B4GALNT1: variants seen among roughly 807,000 people sequenced by gnomAD.
The protein encoded by B4GALNT1 is beta-1,4 N-acetylgalactosaminyltransferase 1.
In B4GALNT1, 43 loss-of-function variants were observed where a neutral mutation model predicts 55.2. The ratio of observed to expected loss-of-function variants is 0.78; its 90% confidence interval spans 0.61 to 1.00. The LOEUF is 1.00. B4GALNT1 is among the 50% of genes least tolerant of loss of function. The pLI is 0.00. For missense variants in B4GALNT1, 664 were observed against 729.7 expected (o/e 0.91, Z 1.04); for synonymous variants, 305 against 311.6 (o/e 0.98, Z 0.22).
chr12:57,629,785 C>A, intron 6 of B4GALNT1: 1 of 1,437,674 alleles, frequency 7.0e-7, no homozygotes, highest in South Asian at 1.5e-5. Flanking sequence ...GGCTTTTAGG[C>A]CTCTTTTGCT....
At chr12:57,629,784 G>C in intron 6 of B4GALNT1, 1 of 1,437,752 alleles carries the variant, frequency 7.0e-7, no homozygotes, top group Non-Finnish European at 9.1e-7. Flanking sequence ...GGGCTTTTAG[G>C]CCTCTTTTGC....
chr12:57,628,326 T>G, intron 8 of B4GALNT1, 64 bp from the exon 9 acceptor site: 1 of 1,602,254 alleles, frequency 6.2e-7, no homozygotes, highest in East Asian at 2.2e-5. Flanking sequence ...CTGCCACCTT[T>G]CTTTCTCTCC....
chr12:57,625,135 C>T lies in B4GALNT1; in HGVS notation c.*1609G>A. On this transcript the variant is annotated 3_prime_UTR_variant, in exon 11 of 11. Transcript: ENST00000341156. ...TCTTTACTTATAGGAGACTTCAAAG[C>T]CAGATGGCCCAATGGTTGCAGGTGA... 5.6e-6 allele frequency: 9 copies of T among 1,613,976 alleles called. No homozygotes were observed. The highest frequency in any genetic ancestry group is 7.6e-6 in the Non-Finnish European group (9 of 1,179,980).
At chr12:57,632,525 T>C in intron 1 of B4GALNT1, 1 of 324,424 alleles carries the variant, frequency 3.1e-6, no homozygotes, top group Non-Finnish European at 5.9e-6. Context: ...CCCCGACTCC[T>C]CAGTCTGAGC....
intron 2 of B4GALNT1, among the ~76,000 whole-genome samples, chr12:57,631,705 G>A (rs764061527): frequency 9.2e-5 from 14 of 152,018 alleles, no homozygotes; most frequent in Non-Finnish European, 1.5e-4. Flanking sequence ...AACCTCCCAC[G>A]CCCATCCCCA....
At chr12:57,631,784 T>C (rs1885227411) in intron 2 of B4GALNT1, 131 bp downstream of exon 2, 2 of 989,530 alleles carry the variant, frequency 2.0e-6, no homozygotes, top group Non-Finnish European at 2.7e-6. Context: ...AGCCTCCCAC[T>C]TCCACCTCCC....
Position 57,630,150 on chromosome 12 carries a change from A to C in B4GALNT1, c.712+2T>G. ...GCCCGTCTCTCCACCCAGGCCTTGC[A>C]CCTGTGTCTGCTGTGTTGGTCTGGT... On this transcript the variant is annotated splice_donor_variant, in intron 6 of 10. Coordinates refer to ENST00000341156, the MANE Select transcript of B4GALNT1 (RefSeq NM_001478.5). LOFTEE classifies it high-confidence loss of function. 1 of 1,614,122 alleles carries C rather than the reference A, an allele frequency of 6.2e-7. No individual in the cohort carries two copies. The highest frequency in any genetic ancestry group is 8.5e-7 in the Non-Finnish European group (1 of 1,180,028).
At position 57,626,378 on chromosome 12, in the gene B4GALNT1, C is replaced by T. The variant is rs147909837; in HGVS notation, c.*366G>A. 565 of 302,462 alleles carry T rather than the reference C, an allele frequency of 1.9e-3. 2 individuals carry two copies. The highest frequency in any genetic ancestry group is 0.011 in the African/African-American group (521 of 46,362). 18.7% of individuals were successfully genotyped at this position (302,462 alleles called of 1,614,324 possible). On this transcript the variant is annotated 3_prime_UTR_variant, in exon 11 of 11. Transcript: ENST00000341156. ...CTTGGGATTATGTGTTGGGGAACTT[C>T]CCCACCCCCTCGGTCCCAAGATGAG...
rs1249505658 is a variant in B4GALNT1, at chr12:57,627,718, G to A, written c.1284C>T (p.Gly428=). The change falls in exon 10 of 11, where the codon GGC becomes GGT. Residue 428 remains glycine, a synonymous_variant. Transcript: ENST00000341156. ...TAACCACGCCGTCGGTGACCACGCA[G>A]CCTGGGAAGCCGACGAGCTCGTGGT... ...GFHHELVGFP[G]CVVTDGVVNF... 1 of 1,611,996 alleles carries A rather than the reference G, an allele frequency of 6.2e-7. No homozygotes were observed. The highest frequency in any genetic ancestry group is 1.1e-5 in the South Asian group (1 of 90,850).
In B4GALNT1 at chr12:57,628,772, C is replaced by T. The variant is rs776406022; in HGVS notation, c.943G>A (p.Asp315Asn). ...TVTVVIADDS[D>N]KPERVSGPYV... Reference sequence around the variant, plus strand: ...GGGCCACTAACGCGCTCTGGCTTGTCGCTGTCGTCAGCGATGACCACGGTA... The same window carrying T: ...GGGCCACTAACGCGCTCTGGCTTGTTGCTGTCGTCAGCGATGACCACGGTA... Residue 315 changes from aspartate (D) to asparagine (N), a missense_variant, in exon 8 of 11, where the codon GAC (aspartate) becomes AAC (asparagine). Physicochemically the swap from Asp to Asn is conservative, Grantham distance 23. Coordinates refer to ENST00000341156, the MANE Select transcript of B4GALNT1 (RefSeq NM_001478.5). The T allele has an allele frequency of 9.9e-6, 16 of 1,614,112 alleles. No homozygotes were observed. The highest frequency in any genetic ancestry group is 8.3e-5 in the Admixed American group (5 of 60,006).
At chr12:57,627,013 G>A (rs180684516) in intron 10 of B4GALNT1, 52 bp from the exon 11 acceptor site, 3 of 1,478,052 alleles carry the variant, frequency 2.0e-6, no homozygotes, top group Admixed American at 1.9e-5. Flanking sequence ...GCAGAAGGCC[G>A]ACTGGTAAGG....
Position 57,625,214 on chromosome 12 carries a change from C to T in B4GALNT1, c.*1530G>A. The T allele has an allele frequency of 1.2e-6, 2 of 1,614,084 alleles. No homozygotes were observed. The highest frequency in any genetic ancestry group is 1.7e-6 in the Non-Finnish European group (2 of 1,180,004). Reference sequence around the variant, plus strand: ...CATGTTGCATGGTGACACCTGGGTACTCCTGTCTTCTCCCATTCTAGTTGC... The same window carrying T: ...CATGTTGCATGGTGACACCTGGGTATTCCTGTCTTCTCCCATTCTAGTTGC... On this transcript the variant is annotated 3_prime_UTR_variant, in exon 11 of 11. Coordinates refer to ENST00000341156, the MANE Select transcript of B4GALNT1 (RefSeq NM_001478.5).
At chr12:57,627,500 T>C in intron 10 of B4GALNT1, 118 bp downstream of exon 10, 4 of 1,343,972 alleles carry the variant, frequency 3.0e-6, no homozygotes, top group Non-Finnish European at 3.9e-6. Context: ...TGCAGAACTG[T>C]TCTGGGGTTC....
At position 57,624,516 on chromosome 12, in the gene B4GALNT1, C is replaced by CA; in HGVS notation, c.*2227_*2228insT. 1.6e-6 allele frequency: 1 copy of CA among 627,654 alleles called. No homozygotes were observed. The allele number at this position is 627,654 out of a possible 1,614,324, so 38.9% of individuals were successfully genotyped here. A position where few individuals can be genotyped will look rare whatever the true frequency, so the allele number is the denominator to read the frequency against. ...ATCCTGCAGGCTGTGTGGATGGTCA[C>CA]CTGGGTGGCAGTAGTGACCCTGAGT... On this transcript the variant is annotated 3_prime_UTR_variant, in exon 11 of 11. Transcript: ENST00000341156.
Position 57,631,900 on chromosome 12 carries a change from G to A in B4GALNT1, c.218+15C>T, listed in dbSNP as rs1314216378. The A allele has an allele frequency of 7.3e-7, 1 of 1,376,536 alleles. No individual in the cohort carries two copies. The highest frequency in any genetic ancestry group is 9.4e-7 in the Non-Finnish European group (1 of 1,064,048). The allele number at this position is 1,376,536 out of a possible 1,614,324, so 85.3% of individuals were successfully genotyped here. A position where few individuals can be genotyped will look rare whatever the true frequency, so the allele number is the denominator to read the frequency against. ...CCAGCGAGCGCTGCGCTGCGCCGCC[G>A]CGGTCGGCACTCACCCCACTACTTG... On this transcript the variant is annotated intron_variant, in intron 2 of 10. Coordinates refer to ENST00000341156, the MANE Select transcript of B4GALNT1 (RefSeq NM_001478.5).
chr12:57,624,377 C>A lies in B4GALNT1; in HGVS notation c.*2367G>T. On this transcript the variant is annotated 3_prime_UTR_variant, in exon 11 of 11. Transcript: ENST00000341156. The stretch of plus-strand genomic sequence containing the variant: ...TGTTGTTTCCTTCTGTCATGCTTTC[C>A]ACTTCTTCCTGGATCATCTCTCCCC... 1.6e-6 allele frequency: 1 copy of A among 620,206 alleles called. No homozygotes were observed. Among genetic ancestry groups the A allele is most frequent in the South Asian group, 1.7e-5 (1 of 58,296 alleles). 38.4% of individuals were successfully genotyped at this position (620,206 alleles called of 1,614,324 possible).
Position 57,629,105 on chromosome 12 carries a change from G to T in B4GALNT1, c.754C>A (p.Arg252Ser), listed in dbSNP as rs368334961. 2 of 1,599,432 alleles carry T rather than the reference G, an allele frequency of 1.3e-6. No individual in the cohort carries two copies. The highest frequency in any genetic ancestry group is 1.7e-6 in the Non-Finnish European group (2 of 1,169,194). The change falls in exon 7 of 11, where the codon CGC becomes AGC. Residue 252 changes from arginine to serine, a missense_variant. Transcript: ENST00000341156. ...TEGHEAAFTIRIRHPPNPRLY... is the reference protein window; with the variant it reads ...TEGHEAAFTISIRHPPNPRLY... ...CGAGGGTTGGGCGGGTGTCTTATGC[G>T]GATAGTGAAAGCAGCCTCATGTCCC...
chr12:57,628,293 C>T (rs1454108546), intron 8 of B4GALNT1, 31 bp from the exon 9 acceptor site: 3 of 1,612,910 alleles, frequency 1.9e-6, no homozygotes, highest in Non-Finnish European at 2.5e-6. Context: ...GTTGGGGAGG[C>T]TGCAGAAATA....
chr12:57,627,488 A>G, intron 10 of B4GALNT1, 130 bp downstream of exon 10: 1 of 1,108,868 alleles, frequency 9.0e-7, no homozygotes, highest in Non-Finnish European at 1.2e-6. Context: ...TTGGTAAATC[A>G]CTGCAGAACT....
Sources: allele counts gnomAD v4.1 joint callset (sites outside exome capture counted in the v4.1 genomes callset), GRCh38; gene constraint gnomAD v4.1.1; transcripts MANE v1.5; gene names NCBI Gene and HGNC (gene_info 2026-07-23, HGNC 2026-07-21).